Variants in SERAC1 observed in about 807,000 individuals in gnomAD.
The protein encoded by SERAC1 is protein SERAC1.
In SERAC1, 36 loss-of-function variants were observed where a neutral mutation model predicts 85.7. That is an observed-to-expected ratio of 0.42 (90% confidence interval 0.32 to 0.55). SERAC1 has a LOEUF of 0.55. SERAC1 is among the 20% of genes least tolerant of loss of function. The probability of loss-of-function intolerance (pLI) is 0.11; values close to 1 mark genes in which losing one functional copy is unlikely to be tolerated. For synonymous variants in SERAC1, 242 were observed against 265.3 expected (o/e 0.91, Z 0.85); for missense variants, 629 against 796.2 (o/e 0.79, Z 2.53).
chr6:158,117,622 C>T lies in SERAC1; in HGVS notation c.1403+105G>A, dbSNP rs1562433971. On this transcript the variant is annotated intron_variant, in intron 13 of 16. Coordinates refer to ENST00000647468, the MANE Select transcript of SERAC1 (RefSeq NM_032861.4). This position sits in a 1 kb window ranked among gnomAD's most constrained non-coding sequence, Gnocchi z 4.3. Reference sequence around the variant, plus strand: ...TTAGGTTTGTTCTTCATAAGAAAATCCTGTCTGTGGCATCAAAAAATTAAA... The same window carrying T: ...TTAGGTTTGTTCTTCATAAGAAAATTCTGTCTGTGGCATCAAAAAATTAAA... 2 of 1,580,684 alleles carry T rather than the reference C, an allele frequency of 1.3e-6. No homozygotes were observed. Among genetic ancestry groups the T allele is most frequent in the Admixed American group, 3.7e-5 (2 of 53,822 alleles).
At chr6:158,155,243 G>T in intron 3 of SERAC1, 72 bp downstream of exon 3, 1 of 1,052,412 alleles carries the variant, frequency 9.5e-7, no homozygotes, top group Non-Finnish European at 1.5e-6. Context: ...CATGCAACCT[G>T]TCAATCACTG....
Position 158,111,188 on chromosome 6 carries a change from G to C in SERAC1, c.*178C>G. 2.0e-6 allele frequency: 1 copy of C among 493,964 alleles called. No homozygotes were observed. Among genetic ancestry groups the C allele is most frequent in the Non-Finnish European group, 3.4e-6 (1 of 297,326 alleles). 30.6% of individuals were successfully genotyped at this position (493,964 alleles called of 1,614,324 possible). A position where few individuals can be genotyped will look rare whatever the true frequency, so the allele number is the denominator to read the frequency against. ...CCTTCCTTCTGTGCCTGCCACTTCCGGGTTGGTGCTTTACAGCGCTTGAAG... is the reference window on the plus strand; with the variant it reads ...CCTTCCTTCTGTGCCTGCCACTTCCCGGTTGGTGCTTTACAGCGCTTGAAG... On this transcript the variant is annotated 3_prime_UTR_variant, in exon 17 of 17. Transcript: ENST00000647468.
At chr6:158,114,679 A>T in intron 15 of SERAC1, 110 bp downstream of exon 15, 3 of 1,554,442 alleles carry the variant, frequency 1.9e-6, no homozygotes, top group East Asian at 2.3e-5. Flanking sequence ...AAACACAATT[A>T]TATACAAATT....
At chr6:158,140,971 C>T (rs1283326520) in intron 8 of SERAC1, among the ~76,000 whole-genome samples, 1 of 152,064 alleles carries the variant, frequency 6.6e-6, no homozygotes, top group Non-Finnish European at 1.5e-5. Flanking sequence ...ATTATTCATA[C>T]ATAATAGCCA....
chr6:158,137,145 A>T (rs2128417969), intron 8 of SERAC1, among the ~76,000 whole-genome samples: 1 of 151,250 alleles, frequency 6.6e-6, no homozygotes, highest in East Asian at 2.0e-4. Context: ...CAACACAGCG[A>T]GGCTGTGCCT....
At chr6:158,112,265 TAGAC>T (rs1248455866) in intron 16 of SERAC1, 2 of 152,268 alleles carry the variant, frequency 1.3e-5, no homozygotes, top group Admixed American at 1.3e-4. Context: ...TTTAAAAATT[TAGAC>T]AGGTGTGGTG....
chr6:158,168,047 G>C (rs573643073), intron 1 of SERAC1, 93 bp downstream of exon 1: 2 of 152,328 alleles, frequency 1.3e-5, no homozygotes, highest in East Asian at 3.9e-4. Flanking sequence ...GGCCGTGCCC[G>C]GTCCCTGCCC....
At chr6:158,155,024 CA>C (rs1199617956) in intron 3 of SERAC1, among the ~76,000 whole-genome samples, 1 of 152,144 alleles carries the variant, frequency 6.6e-6, no homozygotes, top group African/African-American at 2.4e-5. Context: ...TTAAGTGTGT[CA>C]GAGCTAAGTG....
At chr6:158,145,766 G>T (rs143968106) in intron 6 of SERAC1, among the ~76,000 whole-genome samples, 1 of 151,812 alleles carries the variant, frequency 6.6e-6, no homozygotes, top group Non-Finnish European at 1.5e-5. Context: ...CAAGTGACCC[G>T]CCTTCCTCAG....
rs147910711 is a variant in SERAC1 at position 158,119,961 on chromosome 6, T to C, written c.1166+464A>G. Among the ~76,000 whole-genome samples the C allele has an allele frequency of 3.9e-3, 593 of 152,316 alleles. 6 individuals are homozygous for C. Among genetic ancestry groups the C allele is most frequent in the African/African-American group, 0.014 (568 of 41,560 alleles). ...GAGTCAAACTTATTACAACTTATTC[T>C]TTCTAATGCATCCTTTTATAACTAG... On this transcript the variant is annotated intron_variant, in intron 11 of 16. Coordinates refer to ENST00000647468, the MANE Select transcript of SERAC1 (RefSeq NM_032861.4). The surrounding 1 kb of genome is among the most constrained non-coding windows in gnomAD (Gnocchi z 4.5).
rs550590501 is a variant in SERAC1 at position 158,146,679 on chromosome 6, G to C, written c.487+103C>G. The C allele has an allele frequency of 4.2e-6, 6 of 1,443,612 alleles. No homozygotes were observed. The South Asian group carries it at 6.3e-5, about 15-fold the overall frequency. 89.4% of individuals were successfully genotyped at this position (1,443,612 alleles called of 1,614,324 possible). ...ACCAGCGTGGCCTCCCAAAGTGCTG[G>C]GATTACAGGCGTGAGCCACCGCACC... On this transcript the variant is annotated intron_variant, in intron 6 of 16. Coordinates refer to ENST00000647468, the MANE Select transcript of SERAC1 (RefSeq NM_032861.4).
At chr6:158,150,615 CATAA>C in intron 3 of SERAC1, 26 bp from the exon 4 acceptor site, 4 of 1,472,460 alleles carry the variant, frequency 2.7e-6, no homozygotes, top group Admixed American at 3.6e-5. Context: ...AAAAATGCAT[CATAA>C]ATAGACAATC....
intron 10 of SERAC1, among the ~76,000 whole-genome samples, chr6:158,127,397 C>G (rs1784569987): frequency 1.6e-5 from 1 of 60,748 alleles, no homozygotes; most frequent in African/African-American, 5.8e-5. Context: ...CCTGCCCGGC[C>G]AGCCGCCCCG....
chr6:158,109,721 TTATC>T lies in SERAC1; in HGVS notation c.*1641_*1644del, dbSNP rs1784098720. On this transcript the variant is annotated 3_prime_UTR_variant, in exon 17 of 17. Coordinates refer to ENST00000647468, the MANE Select transcript of SERAC1 (RefSeq NM_032861.4). Reference sequence around the variant, plus strand: ...ACACAAATGATCATGGTAGCATTATTTATCATAGACAAAAATGAACAGAACCTAG... The same window carrying T: ...ACACAAATGATCATGGTAGCATTATTATAGACAAAAATGAACAGAACCTAG... The T allele has an allele frequency of 6.6e-6, 1 of 152,192 alleles. No homozygotes were observed. Among genetic ancestry groups the T allele is most frequent in the Non-Finnish European group, 1.5e-5 (1 of 68,040 alleles). 9.4% of individuals were successfully genotyped at this position (152,192 alleles called of 1,614,324 possible).
At position 158,117,411 on chromosome 6, in the gene SERAC1, A is replaced by T. The variant is rs199778655; in HGVS notation, c.1403+316T>A. The T allele has an allele frequency of 6.2e-6, 5 of 809,420 alleles. No individual in the cohort carries two copies. Among genetic ancestry groups the T allele is most frequent in the Admixed American group, 7.1e-5 (1 of 14,096 alleles). The allele number at this position is 809,420 out of a possible 1,614,324, so 50.1% of individuals were successfully genotyped here. ...TTTAGCCAGTATGATTGTGGACACA[A>T]GAACAAAAAAACATCACTTTTACTT... On this transcript the variant is annotated intron_variant, in intron 13 of 16. Coordinates refer to ENST00000647468, the MANE Select transcript of SERAC1 (RefSeq NM_032861.4). This position sits in a 1 kb window ranked among gnomAD's most constrained non-coding sequence, Gnocchi z 4.3.
rs1398918349 is a variant in SERAC1, at chr6:158,116,106, A to T, written c.1501+79T>A. On this transcript the variant is annotated intron_variant, in intron 14 of 16. Coordinates refer to ENST00000647468, the MANE Select transcript of SERAC1 (RefSeq NM_032861.4). ...AGCCGCTATTAAGTAAAATGGAAAG[A>T]TAAAATAACTTTAGGTTGGCCACAG... The T allele has an allele frequency of 2.6e-6, 3 of 1,167,606 alleles. No individual in the cohort carries two copies. The East Asian group carries it at 7.0e-5, about 27-fold the overall frequency. The allele number at this position is 1,167,606 out of a possible 1,614,324, so 72.3% of individuals were successfully genotyped here.
intron 15 of SERAC1, 186 bp downstream of exon 15, chr6:158,114,598 ATGGCT>A (rs1784231468): frequency 1.6e-6 from 2 of 1,276,988 alleles, no homozygotes; most frequent in African/African-American, 1.6e-5. Context: ...TGAGTAAATA[ATGGCT>A]TAAGAACAAA....
intron 8 of SERAC1, among the ~76,000 whole-genome samples, chr6:158,135,318 G>T (rs942651007): frequency 1.3e-5 from 2 of 152,140 alleles, no homozygotes; most frequent in Non-Finnish European, 2.9e-5. Flanking sequence ...GATCACCTGA[G>T]GTCAGGAGTT....
At chr6:158,125,905 A>C (rs1007326885) in intron 10 of SERAC1, among the ~76,000 whole-genome samples, 3 of 152,182 alleles carry the variant, frequency 2.0e-5, no homozygotes, top group African/African-American at 7.2e-5. Context: ...TAAAAAGCCA[A>C]AAGAGGAGAA....
Sources: gnomAD v4.1 joint callset for allele counts (sites outside exome capture counted in the v4.1 genomes callset) on GRCh38, gnomAD v4.1.1 for gene constraint, Gnocchi (gnomAD v3.1) non-coding constraint, MANE v1.5 for transcripts, NCBI Gene and HGNC (gene_info 2026-07-23, HGNC 2026-07-21) for gene names.